The following COL6A1 variants were observed in gnomAD, a reference collection of about 807,000 sequenced individuals.
COL6A1 encodes the protein collagen alpha-1(VI) chain.
A neutral mutation model predicts 145.6 loss-of-function variants in COL6A1; 80 were observed. That is an observed-to-expected ratio of 0.55 (90% CI 0.46 to 0.66). COL6A1 has a LOEUF of 0.66. COL6A1 is among the 30% of genes least tolerant of loss of function. The pLI, the probability that COL6A1 is intolerant of heterozygous loss-of-function variation, is 0.00. For synonymous variants in COL6A1, 638 were observed against 622.8 expected (o/e 1.02, Z -0.36); for missense variants, 1,364 against 1,473.8 (o/e 0.93, Z 1.22).
At position 45,987,448 on chromosome 21, in the gene COL6A1, C is replaced by T. The variant is rs62215498; in HGVS notation, c.739-51C>T. ...GTCGCATGTCACCCTGTGTCCCAGC[C>T]GTATGTCCGTGGCTTTCCCACTGAC... On this transcript the variant is annotated intron_variant, in intron 6 of 34. Coordinates refer to ENST00000361866, the MANE Select transcript of COL6A1 (RefSeq NM_001848.3). 485,874 of 1,611,162 alleles carry T rather than the reference C, an allele frequency of 0.3. 74,592 individuals carry two copies. The highest frequency in any genetic ancestry group is 0.41 in the African/African-American group (30,540 of 74,954).
At chr21:45,985,664 C>T (rs538431676) in intron 3 of COL6A1, among the ~76,000 whole-genome samples, 17 of 152,336 alleles carry the variant, frequency 1.1e-4, no homozygotes, top group South Asian at 8.3e-4. Context: ...CAGCCCTTCA[C>T]GAGGCCTCAG....
At chr21:46,001,854 G>GTCATCACTGAC in intron 30 of COL6A1, 107 bp from the exon 31 acceptor site, 1 of 940,832 alleles carries the variant, frequency 1.1e-6, no homozygotes, top group Non-Finnish European at 1.7e-6. Flanking sequence ...TGAGGTCCTG[G>GTCATCACTGAC]GGGCCATGCC....
intron 2 of COL6A1, 148 bp from the exon 3 acceptor site, chr21:45,984,121 G>A (rs2077723757): frequency 1.1e-5 from 9 of 829,816 alleles, no homozygotes; most frequent in Non-Finnish European, 1.8e-5. Flanking sequence ...AGGAGGGCCG[G>A]CCTCAGGGCC....
chr21:46,001,008 T>C, intron 29 of COL6A1: 1 of 695,994 alleles, frequency 1.4e-6, no homozygotes, highest in East Asian at 2.7e-5. Flanking sequence ...GGGTCCCTGC[T>C]CCATCATTCT....
intron 20 of COL6A1, among the ~76,000 whole-genome samples, chr21:45,997,030 G>A (rs2077808790): frequency 1.3e-5 from 2 of 152,270 alleles, no homozygotes; most frequent in South Asian, 2.1e-4. Context: ...CTGCGGCCTG[G>A]GGACCTGTAG....
intron 21 of COL6A1, 107 bp from the exon 22 acceptor site, chr21:45,997,593 G>A (rs2077813018): frequency 6.5e-7 from 1 of 1,532,642 alleles, no homozygotes; most frequent in Admixed American, 1.8e-5. Flanking sequence ...TATGGCCCTG[G>A]GTGTCCTGGC....
rs904687489 is a variant in COL6A1 at position 46,004,056 on chromosome 21, C to T, written c.*43C>T. On this transcript the variant is annotated 3_prime_UTR_variant, in exon 35 of 35. Transcript: ENST00000361866. ...CACCAAACCCTGTCCTCCCACCCCT[C>T]CCCACTCATCACTAAACAGAGTAAA... 3.1e-6 allele frequency: 5 copies of T among 1,609,994 alleles called. No homozygotes were observed. The highest frequency in any genetic ancestry group is 4.2e-6 in the Non-Finnish European group (5 of 1,178,106).
At chr21:46,001,861 T>C in intron 30 of COL6A1, 100 bp from the exon 31 acceptor site, 3 of 1,035,200 alleles carry the variant, frequency 2.9e-6, no homozygotes, top group Non-Finnish European at 4.4e-6. Flanking sequence ...CTGGGGGCCA[T>C]GCCACCCTCT....
intron 23 of COL6A1, 30 bp from the exon 24 acceptor site, chr21:45,998,368 C>A (rs748694018): frequency 1.9e-6 from 3 of 1,612,998 alleles, no homozygotes; most frequent in Admixed American, 3.3e-5. Context: ...AATCAGAACC[C>A]GGTATCACTG....
At chr21:46,002,977 C>A in intron 33 of COL6A1, 143 bp from the exon 34 acceptor site, 6 of 1,268,662 alleles carry the variant, frequency 4.7e-6, no homozygotes, top group Non-Finnish European at 6.8e-6. Flanking sequence ...CTGGGGCTGT[C>A]CCACAGGCAT....
rs150803029 is a variant in COL6A1 at position 46,004,188 on chromosome 21, G to A, written c.*175G>A. The A allele has an allele frequency of 5.5e-4, 490 of 887,264 alleles. 3 individuals carry two copies. The African/African-American group carries it at 6.3e-3, about 11-fold the overall frequency. The allele number at this position is 887,264 out of a possible 1,614,324, so 55.0% of individuals were successfully genotyped here. A position where few individuals can be genotyped will look rare whatever the true frequency, so the allele number is the denominator to read the frequency against. The stretch of plus-strand genomic sequence containing the variant: ...CTGCCTGCTTTGTGCAGGGTCCTCC[G>A]GGGCTCAGCCCTGAGTTGGCATCAC... On this transcript the variant is annotated 3_prime_UTR_variant, in exon 35 of 35. Transcript: ENST00000361866.
intron 15 of COL6A1, 107 bp from the exon 16 acceptor site, chr21:45,991,903 A>G: frequency 9.1e-7 from 1 of 1,098,260 alleles, no homozygotes. Flanking sequence ...TGTTGGTCAG[A>G]GGGAGTGGCC....
In COL6A1 at chr21:46,004,628, C is replaced by T. The variant is rs2077870756; in HGVS notation, c.*615C>T. The T allele has an allele frequency of 9.5e-6, 4 of 419,170 alleles. No individual in the cohort carries two copies. The highest frequency in any genetic ancestry group is 3.4e-5 in the South Asian group (2 of 58,872). The allele number at this position is 419,170 out of a possible 1,614,324, so 26.0% of individuals were successfully genotyped here. ...GTTTTGGGAAACCAAGGTCAGGAGG[C>T]CGTTGCAGACATAAATCTCGGCGAC... On this transcript the variant is annotated 3_prime_UTR_variant, in exon 35 of 35. Coordinates refer to ENST00000361866, the MANE Select transcript of COL6A1 (RefSeq NM_001848.3).
chr21:46,004,195 A>G lies in COL6A1; in HGVS notation c.*182A>G, dbSNP rs886057159. Reference sequence around the variant, plus strand: ...CTTTGTGCAGGGTCCTCCGGGGCTCAGCCCTGAGTTGGCATCACCTGCGCA... The same window carrying G: ...CTTTGTGCAGGGTCCTCCGGGGCTCGGCCCTGAGTTGGCATCACCTGCGCA... On this transcript the variant is annotated 3_prime_UTR_variant, in exon 35 of 35. Coordinates refer to ENST00000361866, the MANE Select transcript of COL6A1 (RefSeq NM_001848.3). The G allele has an allele frequency of 4.4e-5, 37 of 832,946 alleles. No homozygotes were observed. The highest frequency in any genetic ancestry group is 2.4e-4 in the Admixed American group (9 of 38,162). The allele number at this position is 832,946 out of a possible 1,614,324, so 51.6% of individuals were successfully genotyped here.
rs13879 is a variant in COL6A1, at chr21:46,003,662, C to T, written c.2736C>T (p.Asp912=). 0.026 allele frequency: 42,513 copies of T among 1,613,080 alleles called. 690 individuals carry two copies. Among genetic ancestry groups the T allele is most frequent in the Non-Finnish European group, 0.031 (36,736 of 1,179,948 alleles). ...SAVDAMDFIN[D]ATDVNDALGY... is the part of the protein sequence containing the mutation. The stretch of plus-strand genomic sequence containing the variant: ...TCGATGCCATGGACTTTATCAACGA[C>T]GCCACCGACGTCAACGATGCCCTGG... Residue 912 remains aspartate (D), a synonymous_variant, in exon 35 of 35, where the codon GAC becomes GAT. Coordinates refer to ENST00000361866, the MANE Select transcript of COL6A1 (RefSeq NM_001848.3).
chr21:45,992,940 C>A, intron 19 of COL6A1, 130 bp downstream of exon 19: 1 of 782,582 alleles, frequency 1.3e-6, no homozygotes, highest in Non-Finnish European at 2.1e-6. Flanking sequence ...GCCAGCCCAT[C>A]CCCACGCCGT....
chr21:45,990,778 G>C lies in COL6A1; in HGVS notation c.1008G>C (p.Glu336Asp). Residue 336 changes from glutamate (E) to aspartate (D), a missense_variant, in exon 14 of 35, where the codon GAG becomes GAC. Transcript: ENST00000361866. Reference protein sequence around the residue: ...GIDGVDGVKGEMGYPGLPGCK... With the variant: ...GIDGVDGVKGDMGYPGLPGCK... ...AGTTTTCTTCCTCTTTCCAGGGGGA[G>C]ATGGGGTACCCAGGCCTGCCAGGCT... is the stretch of plus-strand genomic sequence containing the variant. The C allele has an allele frequency of 1.9e-6, 3 of 1,613,422 alleles. No homozygotes were observed. The highest frequency in any genetic ancestry group is 2.5e-6 in the Non-Finnish European group (3 of 1,179,982).
chr21:45,989,474 A>T, intron 9 of COL6A1, 134 bp from the exon 10 acceptor site: 1 of 951,700 alleles, frequency 1.1e-6, no homozygotes, highest in Non-Finnish European at 1.7e-6. Flanking sequence ...CCTCGGCACC[A>T]TGGGCCCCGT....
intron 28 of COL6A1, 38 bp downstream of exon 28, chr21:46,000,405 C>G (rs756932961): frequency 6.2e-7 from 1 of 1,610,146 alleles, no homozygotes; most frequent in South Asian, 1.1e-5. Context: ...TTAGGGAGAG[C>G]AGGGCCGCCA....
Sources: gnomAD v4.1 joint callset for allele counts (sites outside exome capture counted in the v4.1 genomes callset) on GRCh38, gnomAD v4.1.1 for gene constraint, MANE v1.5 for transcripts, NCBI Gene and HGNC (gene_info 2026-07-23, HGNC 2026-07-21) for gene names.